MTRR: variants seen among roughly 807,000 people sequenced by gnomAD.
The protein encoded by MTRR is methionine synthase reductase.
MTRR carries 63 observed loss-of-function variants against 79.2 expected under a neutral mutation model. The observed-to-expected ratio is 0.80, with a 90% CI of 0.65 to 0.98. The LOEUF (loss-of-function observed/expected upper bound fraction) is 0.98. Among genes scored for constraint, MTRR ranks in the 50% least tolerant of loss-of-function variants. The pLI is 0.00. For missense variants in MTRR, 895 were observed against 839.6 expected, an observed-to-expected ratio of 1.07 and a Z score of -0.82; for synonymous variants, 355 against 313.3, an observed-to-expected ratio of 1.13 and a Z score of -1.41.
chr5:7,866,950 G>A, upstream of MTRR: 1 of 1,614,166 alleles, frequency 6.2e-7, no homozygotes, highest in Non-Finnish European at 8.5e-7. Context: ...GTTCTCTACT[G>A]CAGTACTCCA....
At chr5:7,854,622 C>T (rs1403700308) in intron 1 of MTRR, among the ~76,000 whole-genome samples, 3 of 152,308 alleles carry the variant, frequency 2.0e-5, no homozygotes, top group Admixed American at 6.5e-5. Flanking sequence ...TATCAGATCT[C>T]ATGAGACTTA....
intron 2 of MTRR, among the ~76,000 whole-genome samples, chr5:7,871,232 C>A (rs1231981368): frequency 6.6e-6 from 1 of 151,914 alleles, no homozygotes; most frequent in Non-Finnish European, 1.5e-5. Flanking sequence ...GTGTGTTTGC[C>A]TGCTCAGGTG....
At chr5:7,866,632 T>G (rs774620141), upstream of MTRR, 12 of 1,549,662 alleles carry the variant, frequency 7.7e-6, no homozygotes, top group South Asian at 1.4e-4. Flanking sequence ...TGTCAGAATT[T>G]ATAACCAACT....
chr5:7,900,144 C>T lies in MTRR; in HGVS notation c.*86C>T, dbSNP rs1019522634. On this transcript the variant is annotated 3_prime_UTR_variant, in exon 15 of 15. Coordinates refer to ENST00000440940, the MANE Select transcript of MTRR (RefSeq NM_002454.3). The stretch of plus-strand genomic sequence containing the variant: ...TACTAGTGCCAAACCTTTAAATTTT[C>T]AAAAGAAAATTTTCTTTCAACATTT... 4 of 1,504,000 alleles carry T rather than the reference C, an allele frequency of 2.7e-6. No homozygotes were observed. The highest frequency in any genetic ancestry group is 3.6e-6 in the Non-Finnish European group (4 of 1,106,640). 93.2% of individuals were successfully genotyped at this position (1,504,000 alleles called of 1,614,324 possible).
intron 14 of MTRR, 152 bp from the exon 15 acceptor site, chr5:7,899,762 T>C: frequency 9.5e-7 from 1 of 1,051,414 alleles, no homozygotes; most frequent in Non-Finnish European, 1.5e-6. Context: ...GGCCTGGGCA[T>C]GAGTGAGGCT....
At chr5:7,880,730 G>A (rs1385287933) in intron 5 of MTRR, among the ~76,000 whole-genome samples, 1 of 152,126 alleles carries the variant, frequency 6.6e-6, no homozygotes, top group East Asian at 1.9e-4. Context: ...AACGTCATAG[G>A]CCAATAATTC....
chr5:7,858,524 A>T (rs1287166211), intron 1 of MTRR, among the ~76,000 whole-genome samples: 1 of 152,162 alleles, frequency 6.6e-6, no homozygotes, highest in Non-Finnish European at 1.5e-5. Flanking sequence ...TCTAGTTTCC[A>T]TTTCCTGTTC....
chr5:7,851,239 G>T (rs1246973072), exon 1 of MTRR: 2 of 437,872 alleles, frequency 4.6e-6, no homozygotes, highest in East Asian at 7.3e-5. Context: ...CCGGCCCCTC[G>T]ACTACACCTG....
chr5:7,883,499 A>G (rs549528250), intron 6 of MTRR, among the ~76,000 whole-genome samples: 85 of 132,068 alleles, frequency 6.4e-4, no homozygotes, highest in African/African-American at 2.3e-3. Context: ...GCTTGGTTAC[A>G]TATGCTGAGT....
intron 11 of MTRR, 23 bp from the exon 12 acceptor site, chr5:7,895,711 C>A (rs767742892): frequency 3.1e-6 from 5 of 1,613,540 alleles, no homozygotes; most frequent in Middle Eastern, 1.7e-4. Flanking sequence ...TTCATACTTA[C>A]CACATTTGAT....
At chr5:7,885,321 G>A (rs528264548) in intron 6 of MTRR, 1 of 211,386 alleles carries the variant, frequency 4.7e-6, no homozygotes, top group Admixed American at 5.3e-5. Context: ...TGGTCATAAT[G>A]TATGTTTTCG....
At chr5:7,857,661 G>T (rs565540445) in intron 1 of MTRR, among the ~76,000 whole-genome samples, 4 of 152,178 alleles carry the variant, frequency 2.6e-5, no homozygotes, top group Non-Finnish European at 5.9e-5. Flanking sequence ...TCAGGGTGCC[G>T]GAGGCCTCAC....
At chr5:7,883,948 G>T (rs934875791) in intron 6 of MTRR, among the ~76,000 whole-genome samples, 5 of 152,246 alleles carry the variant, frequency 3.3e-5, no homozygotes, top group Admixed American at 3.3e-4. Flanking sequence ...GGCTGAAGGC[G>T]GTCACTTGAA....
rs1323247514 is a variant in MTRR, at chr5:7,861,591, G to A, written n.392-360G>A. 1.9e-6 allele frequency: 3 copies of A among 1,588,808 alleles called. No individual in the cohort carries two copies. In the African/African-American group the frequency reaches 4.0e-5, roughly 21 times the overall value. On this transcript the variant is annotated intron_variant and non_coding_transcript_variant, in intron 1 of 3. Coordinates refer to the MTRR transcript ENST00000502509. The stretch of plus-strand genomic sequence containing the variant: ...ACAACATTTTCCTGTACCTTTTATG[G>A]ATATCTTCATTAGCTGTGGATGGCA...
chr5:7,873,389 A>T lies in MTRR; in HGVS notation c.146A>T (p.Glu49Val). The change falls in exon 3 of 15, where the codon GAA becomes GTA. Residue 49 changes from glutamate to valine, a missense_variant. Transcript: ENST00000440940. Reference sequence around the variant, plus strand: ...GTTTTGTAGTATGACCTAAAAACCGAAACAGCTCCTCTTGTTGTTGTGGTT... The same window carrying T: ...GTTTTGTAGTATGACCTAAAAACCGTAACAGCTCCTCTTGTTGTTGTGGTT... Reference protein sequence around the residue: ...SESDKYDLKTETAPLVVVVST... With the variant: ...SESDKYDLKTVTAPLVVVVST... The T allele has an allele frequency of 6.2e-7, 1 of 1,614,212 alleles. No individual in the cohort carries two copies. Among genetic ancestry groups the T allele is most frequent in the Non-Finnish European group, 8.5e-7 (1 of 1,180,028 alleles).
At position 7,892,914 on chromosome 5, in the gene MTRR, G is replaced by T; in HGVS notation, c.1557+1G>T. 1 of 1,613,484 alleles carries T rather than the reference G, an allele frequency of 6.2e-7. No individual in the cohort carries two copies. On this transcript the variant is annotated splice_donor_variant, in intron 11 of 14. Transcript: ENST00000440940. LOFTEE classifies it high-confidence loss of function. ...CAGCGGGAAAGCCCTGGCTCCTAAGGTAAGAAATTAGTACCTTAACCTCAG... is the reference window on the plus strand; with the variant it reads ...CAGCGGGAAAGCCCTGGCTCCTAAGTTAAGAAATTAGTACCTTAACCTCAG...
intron 9 of MTRR, chr5:7,890,334 T>C (rs1211265975): frequency 1.9e-5 from 19 of 985,312 alleles, no homozygotes; most frequent in Non-Finnish European, 2.2e-5. Context: ...CTCACCATCC[T>C]GTCCTCAGGC....
At chr5:7,871,816 A>G (rs1265948316) in intron 2 of MTRR, among the ~76,000 whole-genome samples, 1 of 152,228 alleles carries the variant, frequency 6.6e-6, no homozygotes. Context: ...GGAGACTGCC[A>G]GTCAGCAGAC....
rs1412042871 is a variant in MTRR, at chr5:7,883,911, C to G, written c.903+634C>G. ...GAGCCTAAGGTCAAACGAGGTGGCT[C>G]TCGCCTATAATCCCAGCACTTTGGG... On this transcript the variant is annotated intron_variant, in intron 6 of 14. Coordinates refer to ENST00000440940, the MANE Select transcript of MTRR (RefSeq NM_002454.3). Among the ~76,000 whole-genome samples the G allele has an allele frequency of 3.3e-5, 5 of 152,336 alleles. No homozygotes were observed. The East Asian group carries it at 9.6e-4, about 29-fold the overall frequency.
Sources: gnomAD v4.1 joint callset for allele counts (sites outside exome capture counted in the v4.1 genomes callset) on GRCh38, gnomAD v4.1.1 for gene constraint, MANE v1.5 for transcripts, NCBI Gene and HGNC (gene_info 2026-07-23, HGNC 2026-07-21) for gene names.